The following ZNF804B variants were observed in gnomAD, a reference collection of about 807,000 sequenced individuals.
ZNF804B encodes the protein zinc finger 804B.
A neutral mutation model predicts 101.4 loss-of-function variants in ZNF804B; 80 were observed. The observed-to-expected ratio is 0.79, with a 90% CI of 0.66 to 0.95. The LOEUF (loss-of-function observed/expected upper bound fraction) is 0.95, where lower values mean the gene tolerates loss of function less well. Among genes scored for constraint, ZNF804B ranks in the 40% least tolerant of loss-of-function variants. ZNF804B has a pLI of 0.00. For synonymous variants in ZNF804B, 622 were observed against 558.8 expected (o/e 1.11, Z -1.59); for missense variants, 1,673 against 1,561.9 (o/e 1.07, Z -1.20).
rs563580408 is a variant in ZNF804B, at chr7:89,280,181, G to A, written c.250-47163G>A. 5.5e-3 allele frequency among the ~76,000 whole-genome samples: 839 copies of A among 152,062 alleles called. 5 individuals carry two copies. Among genetic ancestry groups the A allele is most frequent in the African/African-American group, 0.02 (810 of 41,462 alleles). On this transcript the variant is annotated intron_variant, in intron 2 of 3. Transcript: ENST00000333190. ...CTACTGGGTACATAACGAAATGAAG[G>A]CAGAAATAAAGATGTTCTTTGAAAC...
chr7:89,215,292 A>G (rs1436919185), intron 1 of ZNF804B, among the ~76,000 whole-genome samples: 1 of 152,236 alleles, frequency 6.6e-6, no homozygotes, highest in South Asian at 2.1e-4. Context: ...CTGTCTTAAA[A>G]TTGTAAAATT....
chr7:89,335,636 A>G lies in ZNF804B; in HGVS notation c.2654A>G (p.Lys885Arg), dbSNP rs758550618. 19 of 1,613,890 alleles carry G rather than the reference A, an allele frequency of 1.2e-5. No individual in the cohort carries two copies. The highest frequency in any genetic ancestry group is 1.5e-5 in the Non-Finnish European group (18 of 1,179,970). ...AGCCCTCACATTTGTGATCTGGGAAAAGTCAGGCCCATGAAGTGTAACTCC... is the reference window on the plus strand; with the variant it reads ...AGCCCTCACATTTGTGATCTGGGAAGAGTCAGGCCCATGAAGTGTAACTCC... ...LGSPHICDLGKVRPMKCNSGN... is the reference protein window; with the variant it reads ...LGSPHICDLGRVRPMKCNSGN... The change falls in exon 4 of 4, where the codon AAA (lysine) becomes AGA (arginine). Residue 885 changes from lysine to arginine, a missense_variant. Coordinates refer to ENST00000333190, the MANE Select transcript of ZNF804B (RefSeq NM_181646.5).
chr7:89,332,516 T>G (rs1791001938), intron 3 of ZNF804B, among the ~76,000 whole-genome samples: 1 of 151,854 alleles, frequency 6.6e-6, no homozygotes, highest in Non-Finnish European at 1.5e-5. Flanking sequence ...TTGTCTTCTT[T>G]CCAGTGAAGC....
At chr7:89,158,740 C>A (rs1329155944) in intron 1 of ZNF804B, among the ~76,000 whole-genome samples, 2 of 152,142 alleles carry the variant, frequency 1.3e-5, no homozygotes, top group Non-Finnish European at 2.9e-5. Context: ...TCCAGCCCAA[C>A]TTTTCATCCT....
At chr7:89,116,098 A>G (rs2116359490) in intron 1 of ZNF804B, among the ~76,000 whole-genome samples, 1 of 151,160 alleles carries the variant, frequency 6.6e-6, no homozygotes, top group African/African-American at 2.4e-5. Flanking sequence ...ATTTTTAGTA[A>G]AAACAGTGTT....
At chr7:89,114,075 T>C (rs1015253935) in intron 1 of ZNF804B, among the ~76,000 whole-genome samples, 4 of 152,156 alleles carry the variant, frequency 2.6e-5, no homozygotes, top group African/African-American at 9.7e-5. Context: ...GAGAACAAGC[T>C]TGATGTTTAA....
rs573039292 is a variant in ZNF804B at position 89,215,817 on chromosome 7, G to A, written c.109-2338G>A. On this transcript the variant is annotated intron_variant, in intron 1 of 3. Coordinates refer to ENST00000333190, the MANE Select transcript of ZNF804B (RefSeq NM_181646.5). ...GAGAATGGCGTGAAAACGGGAGGTG[G>A]AGCTTACAGTCAGCCGAGATCACGC... Among the ~76,000 whole-genome samples the A allele has an allele frequency of 1.0e-3, 152 of 151,708 alleles. 3 individuals are homozygous for A. Among genetic ancestry groups the A allele is most frequent in the Middle Eastern group, 6.8e-3 (2 of 292 alleles).
chr7:89,240,205 T>A lies in ZNF804B; in HGVS notation c.249+21910T>A, dbSNP rs369523812. On this transcript the variant is annotated intron_variant, in intron 2 of 3. Coordinates refer to ENST00000333190, the MANE Select transcript of ZNF804B (RefSeq NM_181646.5). The stretch of plus-strand genomic sequence containing the variant: ...GAAACTGAGTTCTACAGATATTTAA[T>A]AATTTTCAAAGTCATTTTGCTAGTC... Among the ~76,000 whole-genome samples, 35 of 152,224 alleles carry A rather than the reference T, an allele frequency of 2.3e-4. No individual in the cohort carries two copies. The East Asian group carries it at 4.4e-3, about 19-fold the overall frequency.
intron 2 of ZNF804B, among the ~76,000 whole-genome samples, chr7:89,327,090 G>T (rs1790907591): frequency 6.9e-6 from 1 of 145,714 alleles, no homozygotes; most frequent in Non-Finnish European, 1.5e-5. Flanking sequence ...CATAGCCAGG[G>T]TGATACCAGC....
intron 1 of ZNF804B, among the ~76,000 whole-genome samples, chr7:88,926,451 C>T (rs113269042): frequency 0.032 from 4,496 of 141,612 alleles, 235 homozygotes; most frequent in African/African-American, 0.11. Context: ...AAAAAATAGC[C>T]GGGCGTAGTG....
At chr7:89,178,280 G>A (rs915336887) in intron 1 of ZNF804B, among the ~76,000 whole-genome samples, 4 of 143,924 alleles carry the variant, frequency 2.8e-5, no homozygotes, top group Admixed American at 7.2e-5. Flanking sequence ...GGTTATTATC[G>A]ATAAGCAAGG....
At chr7:88,964,725 T>C (rs889253784) in intron 1 of ZNF804B, among the ~76,000 whole-genome samples, 3 of 151,434 alleles carry the variant, frequency 2.0e-5, no homozygotes, top group Non-Finnish European at 3.0e-5. Context: ...AAAACTCATG[T>C]GAAACAACAT....
At chr7:89,032,271 C>T (rs1191852209) in intron 1 of ZNF804B, among the ~76,000 whole-genome samples, 9 of 145,496 alleles carry the variant, frequency 6.2e-5, no homozygotes, top group South Asian at 2.1e-4. Flanking sequence ...ATGTATGCCC[C>T]GAAAACTCTT....
intron 2 of ZNF804B, among the ~76,000 whole-genome samples, chr7:89,222,457 G>T (rs1054815760): frequency 4.0e-5 from 6 of 151,836 alleles, no homozygotes; most frequent in Non-Finnish European, 7.4e-5. Context: ...CCATTTATAT[G>T]ATCACTCTTT....
At chr7:88,987,095 CA>C (rs1562851939) in intron 1 of ZNF804B, among the ~76,000 whole-genome samples, 1 of 152,092 alleles carries the variant, frequency 6.6e-6, no homozygotes, top group East Asian at 1.9e-4. Context: ...ACTTGTCCCT[CA>C]ACTACTTGAT....
chr7:89,221,533 G>C (rs982337789), intron 2 of ZNF804B, among the ~76,000 whole-genome samples: 15 of 152,050 alleles, frequency 9.9e-5, no homozygotes, highest in Admixed American at 9.8e-4. Flanking sequence ...ACTGTAGGAA[G>C]TATTGAACTA....
Position 89,014,506 on chromosome 7 carries a change from C to T in ZNF804B, c.109-203649C>T, listed in dbSNP as rs553545152. Among the ~76,000 whole-genome samples, 7 of 152,180 alleles carry T rather than the reference C, an allele frequency of 4.6e-5. No homozygotes were observed. In the East Asian group the frequency reaches 9.7e-4, roughly 21 times the overall value. On this transcript the variant is annotated intron_variant, in intron 1 of 3. Coordinates refer to ENST00000333190, the MANE Select transcript of ZNF804B (RefSeq NM_181646.5). ...TAATTTTTTGTATTTTTAGTAGAGA[C>T]GGGGTTTCACCGTGTTAGCCAGAAT...
At position 89,220,020 on chromosome 7, in the gene ZNF804B, TA is replaced by T. The variant is rs1788968315; in HGVS notation, c.249+1726del. On this transcript the variant is annotated intron_variant, in intron 2 of 3. Transcript: ENST00000333190. ...ATGTATATGCACATATATGTGTGTA[TA>T]CATATATATACGCACATATATGTGC... Among the ~76,000 whole-genome samples the T allele has an allele frequency of 3.1e-5, 4 of 130,858 alleles. 2 individuals carry two copies. The Admixed American group carries it at 3.3e-4, about 11-fold the overall frequency. The allele number at this position is 130,858 out of a possible 152,430, so 85.8% of individuals were successfully genotyped here. A position where few individuals can be genotyped will look rare whatever the true frequency, so the allele number is the denominator to read the frequency against.
intron 1 of ZNF804B, among the ~76,000 whole-genome samples, chr7:89,215,353 G>T (rs909465590): frequency 3.3e-5 from 5 of 152,256 alleles, no homozygotes; most frequent in Non-Finnish European, 7.4e-5. Flanking sequence ...TAGAAATATA[G>T]AATGTTTAGA....
Sources: allele counts gnomAD v4.1 joint callset (sites outside exome capture counted in the v4.1 genomes callset), GRCh38; gene constraint gnomAD v4.1.1; transcripts MANE v1.5; gene names NCBI Gene and HGNC (gene_info 2026-07-23, HGNC 2026-07-21).